Variants in MGMT observed in about 807,000 individuals in gnomAD.
The protein encoded by MGMT is methylated-DNA--protein-cysteine methyltransferase.
In MGMT, 14 loss-of-function variants were observed where a neutral mutation model predicts 15.9. The observed-to-expected ratio is 0.88, with a 90% CI of 0.58 to 1.37. The LOEUF (loss-of-function observed/expected upper bound fraction) is 1.37. Among genes scored for constraint, MGMT ranks in the 40% most tolerant of loss-of-function variants. MGMT has a pLI of 0.00. For synonymous variants in MGMT, 130 were observed against 118.2 expected (o/e 1.10, Z -0.65); for missense variants, 282 against 268.1 (o/e 1.05, Z -0.36).
chr10:129,648,357 T>C (rs976180062), intron 2 of MGMT, among the ~76,000 whole-genome samples: 1 of 152,204 alleles, frequency 6.6e-6, no homozygotes, highest in African/African-American at 2.4e-5. Flanking sequence ...TCCAAATTAC[T>C]GCAGGTAATT....
Position 129,705,467 on chromosome 10 carries a change from T to C in MGMT, c.126-2428T>C, listed in dbSNP as rs530147270. On this transcript the variant is annotated intron_variant, in intron 2 of 4. Transcript: ENST00000651593. ...TAACTAGACGTGTAAGCTATAGTTA[T>C]CTTTATTTCCGCTTTAACTGCATAA... is the stretch of plus-strand genomic sequence containing the variant. Among the ~76,000 whole-genome samples the C allele has an allele frequency of 8.5e-5, 13 of 152,366 alleles. 1 individual carries two copies. Among genetic ancestry groups the C allele is most frequent in the South Asian group, 6.2e-4 (3 of 4,824 alleles).
chr10:129,654,050 G>A (rs1253340335), intron 2 of MGMT, among the ~76,000 whole-genome samples: 3 of 152,140 alleles, frequency 2.0e-5, no homozygotes, highest in Non-Finnish European at 2.9e-5. Flanking sequence ...GGCCCAGAGC[G>A]AGGGCCACAC....
intron 3 of MGMT, among the ~76,000 whole-genome samples, chr10:129,754,287 G>A (rs1286636916): frequency 6.6e-6 from 1 of 152,104 alleles, no homozygotes; most frequent in Admixed American, 6.5e-5. Flanking sequence ...ACAGACAGCT[G>A]GGGCTTTTCC....
intron 2 of MGMT, among the ~76,000 whole-genome samples, chr10:129,691,590 A>C (rs1847970464): frequency 1.3e-5 from 2 of 152,218 alleles, no homozygotes. Context: ...GCTTGAAAAT[A>C]AACGGCGGTG....
At chr10:129,514,526 C>G (rs751325552) in intron 1 of MGMT, among the ~76,000 whole-genome samples, 3 of 152,186 alleles carry the variant, frequency 2.0e-5, no homozygotes, top group Non-Finnish European at 4.4e-5. Flanking sequence ...ATAATTTCTC[C>G]TAGTTCAGTC....
chr10:129,755,702 T>C (rs1848798244), intron 3 of MGMT, among the ~76,000 whole-genome samples: 1 of 152,218 alleles, frequency 6.6e-6, no homozygotes, highest in African/African-American at 2.4e-5. Context: ...AGCCCTGATC[T>C]CAGAGAGGGC....
chr10:129,493,465 A>G (rs1370514813), intron 1 of MGMT, among the ~76,000 whole-genome samples: 2 of 152,170 alleles, frequency 1.3e-5, no homozygotes, highest in African/African-American at 4.8e-5. Flanking sequence ...ACTTTGAAAC[A>G]TTGCCATTTA....
At chr10:129,524,581 A>ATTT (rs1463525446) in intron 1 of MGMT, among the ~76,000 whole-genome samples, 1 of 105,412 alleles carries the variant, frequency 9.5e-6, no homozygotes, top group Non-Finnish European at 1.9e-5. Context: ...TTCCAAAAAG[A>ATTT]CTTTTTTTTT....
At chr10:129,584,343 TC>T (rs747669387) in intron 2 of MGMT, among the ~76,000 whole-genome samples, 1 of 152,118 alleles carries the variant, frequency 6.6e-6, no homozygotes, top group Non-Finnish European at 1.5e-5. Context: ...CTGACAGGTA[TC>T]TCAAATTTTA....
At chr10:129,626,300 C>T (rs755440709) in intron 2 of MGMT, among the ~76,000 whole-genome samples, 1 of 152,232 alleles carries the variant, frequency 6.6e-6, no homozygotes, top group Non-Finnish European at 1.5e-5. Context: ...CCATCCCACC[C>T]GCATTTTGGG....
chr10:129,743,763 A>G (rs1460133656), intron 3 of MGMT, among the ~76,000 whole-genome samples: 3 of 152,232 alleles, frequency 2.0e-5, no homozygotes, highest in Admixed American at 1.3e-4. Flanking sequence ...ATTGTATTCC[A>G]TAGCCGCTGT....
rs557279797 is a variant in MGMT, at chr10:129,543,793, C to T, written c.125+7416C>T. Among the ~76,000 whole-genome samples, 3 of 152,298 alleles carry T rather than the reference C, an allele frequency of 2.0e-5. No homozygotes were observed. In the South Asian group the frequency reaches 6.2e-4, roughly 32 times the overall value. On this transcript the variant is annotated intron_variant, in intron 2 of 4. Transcript: ENST00000651593. ...TGTGCCTGTGTCTGTGAGTCAGAAG[C>T]AAACTTGTTCATTTCATTTAATTTT...
At position 129,707,799 on chromosome 10, in the gene MGMT, A is replaced by G. The variant is rs1848182234; in HGVS notation, c.126-96A>G. ...ACGTGTGTGCCCATGAAGCAGCCACAGGTGTTTGCCCGTTTAGATGCAGTA... is the reference window on the plus strand; with the variant it reads ...ACGTGTGTGCCCATGAAGCAGCCACGGGTGTTTGCCCGTTTAGATGCAGTA... On this transcript the variant is annotated intron_variant, in intron 2 of 4. Transcript: ENST00000651593. 39 of 1,517,184 alleles carry G rather than the reference A, an allele frequency of 2.6e-5. No homozygotes were observed. The South Asian group carries it at 4.0e-4, about 16-fold the overall frequency. 94.0% of individuals were successfully genotyped at this position (1,517,184 alleles called of 1,614,324 possible).
chr10:129,675,320 G>T lies in MGMT; in HGVS notation c.126-32575G>T, dbSNP rs144619220. 1.1e-3 allele frequency among the ~76,000 whole-genome samples: 170 copies of T among 152,310 alleles called. 1 individual carries two copies. Among genetic ancestry groups the T allele is most frequent in the African/African-American group, 3.8e-3 (160 of 41,578 alleles). On this transcript the variant is annotated intron_variant, in intron 2 of 4. Coordinates refer to ENST00000651593, the MANE Select transcript of MGMT (RefSeq NM_002412.5). Reference sequence around the variant, plus strand: ...ACATTGGATTTGGAGAGGTTAGGCAGATGCAGGCAGGCCAGTTACTGGACC... The same window carrying T: ...ACATTGGATTTGGAGAGGTTAGGCATATGCAGGCAGGCCAGTTACTGGACC...
intron 2 of MGMT, among the ~76,000 whole-genome samples, chr10:129,551,017 T>C (rs1846150955): frequency 6.6e-6 from 1 of 152,012 alleles, no homozygotes; most frequent in Non-Finnish European, 1.5e-5. Flanking sequence ...CCATTTCGGG[T>C]AGGGCCCTGG....
chr10:129,761,457 G>A (rs889173929), intron 4 of MGMT, among the ~76,000 whole-genome samples: 1 of 152,244 alleles, frequency 6.6e-6, no homozygotes, highest in Non-Finnish European at 1.5e-5. Flanking sequence ...GGTGATGCCA[G>A]CAGTTTCTCA....
At chr10:129,476,508 G>A (rs1465823302) in intron 1 of MGMT, among the ~76,000 whole-genome samples, 1 of 152,166 alleles carries the variant, frequency 6.6e-6, no homozygotes, top group Non-Finnish European at 1.5e-5. Context: ...CTCCAGGGGT[G>A]TCCTGGGTTC....
chr10:129,555,565 AT>A (rs1438469021), intron 2 of MGMT, among the ~76,000 whole-genome samples: 1 of 151,886 alleles, frequency 6.6e-6, no homozygotes, highest in East Asian at 1.9e-4. Flanking sequence ...AAAAAAAAAA[AT>A]TATCCAGGCC....
chr10:129,480,695 T>C (rs11815619), intron 1 of MGMT, among the ~76,000 whole-genome samples: 4,402 of 152,140 alleles, frequency 0.029, 168 homozygotes, highest in African/African-American at 0.08. Context: ...CTGGGCAATA[T>C]AGCAAGATCC....
Sources: gnomAD v4.1 joint callset for allele counts (sites outside exome capture counted in the v4.1 genomes callset) on GRCh38, gnomAD v4.1.1 for gene constraint, MANE v1.5 for transcripts, NCBI Gene and HGNC (gene_info 2026-07-23, HGNC 2026-07-21) for gene names.